Variants in SLC25A48 observed in about 807,000 individuals in gnomAD.
SLC25A48 encodes CTC-321K16.1.
A neutral mutation model predicts 32.2 loss-of-function variants in SLC25A48; 29 were observed. The observed-to-expected ratio is 0.90, with a 90% CI of 0.67 to 1.23. SLC25A48 has a LOEUF of 1.23. Among genes scored for constraint, SLC25A48 ranks in the 50% most tolerant of loss-of-function variants. The pLI, the probability that SLC25A48 is intolerant of heterozygous loss-of-function variation, is 0.00. For missense variants in SLC25A48, 399 were observed against 422.7 expected (o/e 0.94, Z 0.49); for synonymous variants, 164 against 172.3 (o/e 0.95, Z 0.38).
intron 7 of SLC25A48, among the ~76,000 whole-genome samples, chr5:135,881,705 G>A (rs770605695): frequency 6.6e-6 from 1 of 152,116 alleles, no homozygotes; most frequent in Non-Finnish European, 1.5e-5. Context: ...CAAAAGCCAG[G>A]CATTTTTATT....
Position 135,733,463 on chromosome 5 carries a change from A to C in SLC25A48, c.-520-79060A>C, listed in dbSNP as rs1755280885. On this transcript the variant is annotated intron_variant, in intron 3 of 10. Transcript: ENST00000646290. ...GGGAGATTCAACAAAGAGTGAGTAT[A>C]GCTGAAGAAGCTGGGGAGTAGAAAG... Among the ~76,000 whole-genome samples the C allele has an allele frequency of 2.0e-5, 3 of 152,222 alleles. 1 individual carries two copies. The South Asian group carries it at 6.2e-4, about 32-fold the overall frequency.
chr5:135,717,122 G>A (rs916341890), intron 3 of SLC25A48, among the ~76,000 whole-genome samples: 2 of 152,116 alleles, frequency 1.3e-5, no homozygotes, highest in African/African-American at 4.8e-5. Flanking sequence ...GTCCACCTTC[G>A]GGCAGATGTC....
chr5:135,857,520 T>A (rs950208005), intron 4 of SLC25A48, among the ~76,000 whole-genome samples: 2 of 152,262 alleles, frequency 1.3e-5, no homozygotes, highest in East Asian at 3.8e-4. Context: ...TTGCCATCTC[T>A]GTTCACGTAT....
intron 3 of SLC25A48, among the ~76,000 whole-genome samples, chr5:135,729,526 G>T (rs1355428391): frequency 1.8e-4 from 27 of 152,158 alleles, no homozygotes; most frequent in Non-Finnish European, 7.3e-5. Context: ...AGGGTCATCT[G>T]TAAGTTGTCA....
chr5:135,836,210 C>T (rs983916650), intron 1 of SLC25A48, among the ~76,000 whole-genome samples: 1 of 152,136 alleles, frequency 6.6e-6, no homozygotes, highest in Non-Finnish European at 1.5e-5. Context: ...GATACCCCTC[C>T]CCATCCCCAA....
chr5:135,652,179 G>A (rs746160814), intron 3 of SLC25A48, among the ~76,000 whole-genome samples: 9 of 152,158 alleles, frequency 5.9e-5, no homozygotes, highest in Admixed American at 2.0e-4. Context: ...CTATAGCTGC[G>A]TGCCTAACCT....
At chr5:135,741,917 C>G (rs143135726) in intron 3 of SLC25A48, among the ~76,000 whole-genome samples, 4 of 152,078 alleles carry the variant, frequency 2.6e-5, no homozygotes, top group Non-Finnish European at 5.9e-5. Flanking sequence ...AAACTATCCA[C>G]GTGCAAGGAG....
At chr5:135,817,486 A>C (rs770822806) in intron 4 of SLC25A48, among the ~76,000 whole-genome samples, 14 of 152,210 alleles carry the variant, frequency 9.2e-5, no homozygotes, top group Non-Finnish European at 1.6e-4. Flanking sequence ...ATCCAAATGG[A>C]AAATATAGAT....
intron 2 of SLC25A48, among the ~76,000 whole-genome samples, chr5:135,631,947 AG>A (rs774826588): frequency 3.3e-5 from 5 of 152,100 alleles, no homozygotes; most frequent in East Asian, 1.9e-4. Flanking sequence ...AACCCAGGGG[AG>A]GGGGAGGTCT....
At chr5:135,761,981 T>C (rs1424787042) in intron 3 of SLC25A48, among the ~76,000 whole-genome samples, 2 of 152,222 alleles carry the variant, frequency 1.3e-5, no homozygotes, top group Non-Finnish European at 2.9e-5. Flanking sequence ...GTGCTGCATC[T>C]GTGAACCTGA....
intron 3 of SLC25A48, among the ~76,000 whole-genome samples, chr5:135,768,875 G>C (rs11748975): frequency 0.71 from 107,817 of 151,574 alleles, 39,631 homozygotes; most frequent in Middle Eastern, 0.83. Flanking sequence ...TGTGATATTG[G>C]TTGTAAGATC....
intron 2 of SLC25A48, among the ~76,000 whole-genome samples, chr5:135,631,194 C>G (rs1347395355): frequency 6.6e-6 from 1 of 152,130 alleles, no homozygotes; most frequent in African/African-American, 2.4e-5. Context: ...CTCCAGGTAG[C>G]ATTTTGGACA....
chr5:135,867,504 AC>A (rs1376523366), intron 4 of SLC25A48, among the ~76,000 whole-genome samples: 2 of 151,840 alleles, frequency 1.3e-5, no homozygotes, highest in African/African-American at 4.8e-5. Context: ...GCTCCTGGCA[AC>A]CCCCCGGCTC....
At chr5:135,821,457 C>A (rs753219785) in intron 4 of SLC25A48, among the ~76,000 whole-genome samples, 1 of 152,182 alleles carries the variant, frequency 6.6e-6, no homozygotes, top group Non-Finnish European at 1.5e-5. Flanking sequence ...CACTCCAGTT[C>A]CCTGGACTTG....
chr5:135,811,634 C>G (rs1338665253), intron 3 of SLC25A48, among the ~76,000 whole-genome samples: 1 of 151,976 alleles, frequency 6.6e-6, no homozygotes, highest in African/African-American at 2.4e-5. Flanking sequence ...CATGTAATTT[C>G]AAAAGATCAG....
At chr5:135,873,587 C>T (rs1374636719) in intron 5 of SLC25A48, among the ~76,000 whole-genome samples, 1 of 152,182 alleles carries the variant, frequency 6.6e-6, no homozygotes, top group Non-Finnish European at 1.5e-5. Context: ...AACCTTCAGC[C>T]TCATGCCTCA....
intron 3 of SLC25A48, among the ~76,000 whole-genome samples, chr5:135,699,342 G>C (rs2126964744): frequency 6.6e-6 from 1 of 150,456 alleles, no homozygotes; most frequent in Non-Finnish European, 1.5e-5. Context: ...GCATCAAGGA[G>C]AAAGAACAAA....
chr5:135,744,452 G>A (rs750837028), intron 3 of SLC25A48, among the ~76,000 whole-genome samples: 2 of 151,960 alleles, frequency 1.3e-5, no homozygotes, highest in Non-Finnish European at 1.5e-5. Context: ...CCCAGTTCAA[G>A]TGATCCTCCC....
chr5:135,845,044 A>C (rs1456551761), intron 2 of SLC25A48, among the ~76,000 whole-genome samples: 1 of 152,256 alleles, frequency 6.6e-6, no homozygotes, highest in Non-Finnish European at 1.5e-5. Context: ...ACAAATAACC[A>C]CAAACTGGGT....
Sources: allele counts gnomAD v4.1 joint callset (sites outside exome capture counted in the v4.1 genomes callset), GRCh38; gene constraint gnomAD v4.1.1; transcripts MANE v1.5; gene names NCBI Gene and HGNC (gene_info 2026-07-23, HGNC 2026-07-21).